The following TTLL5 variants were observed in gnomAD, a reference collection of about 807,000 sequenced individuals.
TTLL5 encodes tubulin tyrosine ligase like 5.
Under a neutral mutation model 168.4 loss-of-function variants are expected in TTLL5, and 132 were observed. That is an observed-to-expected ratio of 0.78 (90% CI 0.68 to 0.91). The LOEUF is 0.91. TTLL5 is among the 40% of genes least tolerant of loss of function. TTLL5 has a pLI of 0.00. For missense variants in TTLL5, 1,545 were observed against 1,581.5 expected, an observed-to-expected ratio of 0.98 and a Z score of 0.39; for synonymous variants, 546 against 558.6, an observed-to-expected ratio of 0.98 and a Z score of 0.32.
Position 75,826,842 on chromosome 14 carries a change from A to C in TTLL5, c.3326+6681A>C, listed in dbSNP as rs766131218. ...TTCTGACTCATGTAGAAGAACATTG[A>C]TGATCCATATTTAAAGCTTACCTAG... On this transcript the variant is annotated intron_variant, in intron 28 of 31. Coordinates refer to ENST00000298832, the MANE Select transcript of TTLL5 (RefSeq NM_015072.5). 2.0e-5 allele frequency among the ~76,000 whole-genome samples: 3 copies of C among 152,200 alleles called. No individual in the cohort carries two copies. The East Asian group carries it at 5.8e-4, about 29-fold the overall frequency.
chr14:75,782,694 CT>C (rs1892128175), intron 25 of TTLL5, 121 bp downstream of exon 25: 1 of 846,454 alleles, frequency 1.2e-6, no homozygotes, highest in Non-Finnish European at 1.7e-6. Context: ...AAATATTTTT[CT>C]TTTTCCTTTT....
chr14:75,734,324 T>C (rs1888749730), intron 14 of TTLL5, among the ~76,000 whole-genome samples: 1 of 152,160 alleles, frequency 6.6e-6, no homozygotes, highest in Non-Finnish European at 1.5e-5. Flanking sequence ...AGTGTATTTT[T>C]CTCCAAGCTG....
At position 75,735,190 on chromosome 14, in the gene TTLL5, T is replaced by C. The variant is rs1335173498; in HGVS notation, c.1187-5T>C. The C allele has an allele frequency of 1.2e-6, 2 of 1,614,130 alleles. No individual in the cohort carries two copies. The highest frequency in any genetic ancestry group is 1.7e-6 in the Non-Finnish European group (2 of 1,179,936). On this transcript the variant is annotated splice_region_variant and splice_polypyrimidine_tract_variant and intron_variant, in intron 14 of 31. Coordinates refer to ENST00000298832, the MANE Select transcript of TTLL5 (RefSeq NM_015072.5). ...AGGTTTTAATGTTGCCCATTCCCCA[T>C]TCAGGATTTGTGTGCCAAGATCCTG...
chr14:75,766,552 C>G (rs1890977924), intron 20 of TTLL5, among the ~76,000 whole-genome samples, 184 bp downstream of exon 20: 1 of 152,136 alleles, frequency 6.6e-6, no homozygotes, highest in Admixed American at 6.6e-5. Flanking sequence ...GGTTAGGTAA[C>G]TTGTCTAAGG....
At chr14:75,844,006 C>T (rs1419753081) in intron 28 of TTLL5, among the ~76,000 whole-genome samples, 1 of 151,794 alleles carries the variant, frequency 6.6e-6, no homozygotes, top group East Asian at 1.9e-4. Flanking sequence ...GATTCTCCTG[C>T]CTCAGCCTCC....
chr14:75,732,542 TAA>T, intron 13 of TTLL5, 123 bp downstream of exon 13: 1 of 760,526 alleles, frequency 1.3e-6, no homozygotes, highest in Non-Finnish European at 2.1e-6. Context: ...TAGGTGGAGA[TAA>T]CCAGACTTTC....
chr14:75,863,999 A>C (rs1441547821), intron 29 of TTLL5, 137 bp downstream of exon 29: 2 of 855,582 alleles, frequency 2.3e-6, no homozygotes, highest in Non-Finnish European at 3.3e-6. Context: ...TGGACAGCTC[A>C]TGGGGAGTCT....
chr14:75,893,571 C>A (rs2032506107), intron 30 of TTLL5, among the ~76,000 whole-genome samples: 1 of 152,184 alleles, frequency 6.6e-6, no homozygotes, highest in Non-Finnish European at 1.5e-5. Context: ...GTAATCCCAG[C>A]ACTTTGGGAG....
intron 18 of TTLL5, among the ~76,000 whole-genome samples, chr14:75,755,257 C>G (rs937657681): frequency 2.9e-5 from 4 of 135,620 alleles, no homozygotes; most frequent in African/African-American, 5.8e-5. Context: ...CAGAGCAAAA[C>G]TCTGTCTCCA....
intron 1 of TTLL5, among the ~76,000 whole-genome samples, chr14:75,662,500 AT>A (rs541035818): frequency 3.1e-4 from 42 of 133,484 alleles, no homozygotes; most frequent in Admixed American, 5.3e-4. Context: ...AATTTTTTGT[AT>A]TTTTTTTTTT....
chr14:75,841,738 T>TA (rs549955722), intron 28 of TTLL5, among the ~76,000 whole-genome samples: 1 of 151,942 alleles, frequency 6.6e-6, no homozygotes, highest in Non-Finnish European at 1.5e-5. Context: ...TGTCCATACT[T>TA]AAAAAAAATA....
intron 31 of TTLL5, among the ~76,000 whole-genome samples, chr14:75,914,805 A>G (rs1017597991): frequency 6.6e-6 from 1 of 151,966 alleles, no homozygotes; most frequent in African/African-American, 2.4e-5. Flanking sequence ...TTGTATTTTC[A>G]GTAGAGACGG....
chr14:75,680,329 T>A (rs1410725885), intron 3 of TTLL5, among the ~76,000 whole-genome samples: 1 of 152,150 alleles, frequency 6.6e-6, no homozygotes, highest in Non-Finnish European at 1.5e-5. Context: ...TGGCCTGTCC[T>A]GAATGGGGCA....
At chr14:75,851,311 C>T (rs190433983) in intron 28 of TTLL5, among the ~76,000 whole-genome samples, 31 of 152,202 alleles carry the variant, frequency 2.0e-4, no homozygotes, top group Admixed American at 5.2e-4. Context: ...TGTTGGATCA[C>T]GGATGAATTT....
chr14:75,783,202 T>A lies in TTLL5; in HGVS notation c.2658T>A (p.Ser886=). Residue 886 remains serine (S), a synonymous_variant, in exon 26 of 32, where the codon TCT becomes TCA. Coordinates refer to ENST00000298832, the MANE Select transcript of TTLL5 (RefSeq NM_015072.5). ...EAKLVYSNSS[S]GPTATLQKIP... ...AATTAGTTTATAGCAATTCCTCCTC[T>A]GGTCCTACTGCTACTCTGCAGAAAA... The A allele has an allele frequency of 6.2e-7, 1 of 1,614,076 alleles. No homozygotes were observed.
At chr14:75,778,011 A>G (rs1469495102) in intron 23 of TTLL5, among the ~76,000 whole-genome samples, 1 of 152,020 alleles carries the variant, frequency 6.6e-6, no homozygotes, top group Non-Finnish European at 1.5e-5. Flanking sequence ...GTGTCCAGAA[A>G]ATAGCTCTAC....
At chr14:75,891,343 CT>C (rs2032392228) in intron 30 of TTLL5, among the ~76,000 whole-genome samples, 1 of 152,192 alleles carries the variant, frequency 6.6e-6, no homozygotes, top group South Asian at 2.1e-4. Flanking sequence ...TGCCATCTAC[CT>C]CCTGGTTTTA....
At chr14:75,707,750 A>G in intron 9 of TTLL5, 43 bp downstream of exon 9, 1 of 1,481,344 alleles carries the variant, frequency 6.8e-7, no homozygotes, top group Non-Finnish European at 9.4e-7. Context: ...TGGGTATATT[A>G]AGGGTGGGTA....
At chr14:75,739,927 T>G (rs1200855752) in intron 15 of TTLL5, among the ~76,000 whole-genome samples, 2 of 152,246 alleles carry the variant, frequency 1.3e-5, no homozygotes, top group African/African-American at 4.8e-5. Context: ...AGTCATGTTT[T>G]TCACATTTGC....
Sources: gnomAD v4.1 joint callset for allele counts (sites outside exome capture counted in the v4.1 genomes callset) on GRCh38, gnomAD v4.1.1 for gene constraint, MANE v1.5 for transcripts, NCBI Gene and HGNC (gene_info 2026-07-23, HGNC 2026-07-21) for gene names.